Variants in PIEZO2 observed in about 807,000 individuals in gnomAD.
The protein encoded by PIEZO2 is piezo-type mechanosensitive ion channel component 2.
Under a neutral mutation model 337.3 loss-of-function variants are expected in PIEZO2, and 172 were observed. The observed-to-expected ratio is 0.51, with a 90% CI of 0.45 to 0.58. PIEZO2 has a LOEUF of 0.58. Among genes scored for constraint, PIEZO2 ranks in the 20% least tolerant of loss-of-function variants. PIEZO2 has a pLI of 0.00. For missense variants in PIEZO2, 3,028 were observed against 3,391.3 expected, an observed-to-expected ratio of 0.89 and a Z score of 2.66; for synonymous variants, 1,251 against 1,228.5, an observed-to-expected ratio of 1.02 and a Z score of -0.38.
At position 10,726,594 on chromosome 18, in the gene PIEZO2, G is replaced by A. The variant is rs1567990581; in HGVS notation, c.5029+4813C>T. ...CCTTCCGCCAGCTCTTCCAGGACCT[G>A]GCGCGCTACGTGCGGGACGCCGACG... On this transcript the variant is annotated intron_variant, in intron 36 of 55. Transcript: ENST00000674853. This position sits in a 1 kb window ranked among gnomAD's most constrained non-coding sequence, Gnocchi z 5.9. 1 of 1,388,496 alleles carries A rather than the reference G, an allele frequency of 7.2e-7. No individual in the cohort carries two copies. The highest frequency in any genetic ancestry group is 1.9e-4 in the Middle Eastern group (1 of 5,296). The allele number at this position is 1,388,496 out of a possible 1,614,324, so 86.0% of individuals were successfully genotyped here. A position where few individuals can be genotyped will look rare whatever the true frequency, so the allele number is the denominator to read the frequency against.
At chr18:10,763,180 G>T in intron 21 of PIEZO2, 82 bp from the exon 22 acceptor site, 1 of 1,403,572 alleles carries the variant, frequency 7.1e-7, no homozygotes, top group South Asian at 1.3e-5. Context: ...AGGATGACTT[G>T]ATTTACTCAG....
At chr18:10,800,605 C>A in intron 10 of PIEZO2, 130 bp from the exon 11 acceptor site, 1 of 1,080,126 alleles carries the variant, frequency 9.3e-7, no homozygotes, top group Non-Finnish European at 1.3e-6. Flanking sequence ...ATAACTTAGC[C>A]AATTGCCCAA....
In PIEZO2 at chr18:10,673,622, T is replaced by A. The variant is rs2033872852; in HGVS notation, c.8162-749A>T. ...TACTTTTATTGGAGTTTAGGGTGAA[T>A]GCAAAAGAGTTGTAAAAGATAGGGT... On this transcript the variant is annotated intron_variant, in intron 54 of 55. Coordinates refer to ENST00000674853, the MANE Select transcript of PIEZO2 (RefSeq NM_001378183.1). The surrounding 1 kb of genome is among the most constrained non-coding windows in gnomAD (Gnocchi z 4.8). 1.3e-5 allele frequency among the ~76,000 whole-genome samples: 2 copies of A among 152,160 alleles called. No homozygotes were observed. The highest frequency in any genetic ancestry group is 4.1e-4 in the South Asian group (2 of 4,828).
chr18:11,123,921 G>A (rs372462286), intron 1 of PIEZO2, among the ~76,000 whole-genome samples: 1 of 129,176 alleles, frequency 7.7e-6, no homozygotes, highest in Non-Finnish European at 1.8e-5. Context: ...TTAAAGAGTA[G>A]ATTTTAAGTG....
chr18:11,045,010 C>T (rs903941406), intron 2 of PIEZO2, among the ~76,000 whole-genome samples: 2 of 151,708 alleles, frequency 1.3e-5, no homozygotes, highest in African/African-American at 4.8e-5. Context: ...AGAAAACTTA[C>T]TGGGGCCAGG....
intron 3 of PIEZO2, among the ~76,000 whole-genome samples, chr18:10,958,462 ATCTAT>A (rs1284623655): frequency 3.3e-5 from 5 of 152,188 alleles, no homozygotes; most frequent in African/African-American, 1.2e-4. Context: ...AGTGTTTGCA[ATCTAT>A]TGCACTGCAT....
At position 10,969,838 on chromosome 18, in the gene PIEZO2, A is replaced by G. The variant is rs535852552; in HGVS notation, c.286+9697T>C. 6.6e-6 allele frequency among the ~76,000 whole-genome samples: 1 copy of G among 152,226 alleles called. No individual in the cohort carries two copies. Among genetic ancestry groups the G allele is most frequent in the African/African-American group, 2.4e-5 (1 of 41,538 alleles). ...ACTTGCAGGTCCAGCAGGTGAGGAC[A>G]CCACCGAGAATCGGTCACAAAACAA... On this transcript the variant is annotated intron_variant, in intron 3 of 55. Coordinates refer to ENST00000674853, the MANE Select transcript of PIEZO2 (RefSeq NM_001378183.1). The surrounding 1 kb of genome is among the most constrained non-coding windows in gnomAD (Gnocchi z 4.5).
At chr18:11,008,126 T>C (rs2035784037) in intron 2 of PIEZO2, among the ~76,000 whole-genome samples, 2 of 152,266 alleles carry the variant, frequency 1.3e-5, no homozygotes, top group South Asian at 4.2e-4. Flanking sequence ...CCAATTTTTT[T>C]CCCATCAATC....
At chr18:10,865,720 G>T (rs1192867048) in intron 5 of PIEZO2, among the ~76,000 whole-genome samples, 1 of 152,162 alleles carries the variant, frequency 6.6e-6, no homozygotes, top group Non-Finnish European at 1.5e-5. Context: ...TTCTATTTCA[G>T]GGGTATTTAC....
At chr18:10,793,517 G>A (rs1477137296) in intron 13 of PIEZO2, among the ~76,000 whole-genome samples, 1 of 152,190 alleles carries the variant, frequency 6.6e-6, no homozygotes, top group Non-Finnish European at 1.5e-5. Context: ...GACTTGGCAT[G>A]CAATTTTAGC....
At chr18:10,811,255 C>T (rs1326820253) in intron 7 of PIEZO2, among the ~76,000 whole-genome samples, 3 of 152,142 alleles carry the variant, frequency 2.0e-5, no homozygotes, top group African/African-American at 7.2e-5. Context: ...ATTCAGTTTT[C>T]CCTATGCCTC....
chr18:10,961,595 GA>G (rs1243217280), intron 3 of PIEZO2, among the ~76,000 whole-genome samples: 1 of 151,894 alleles, frequency 6.6e-6, no homozygotes, highest in African/African-American at 2.4e-5. Flanking sequence ...TTTAAAAAAA[GA>G]AAAAAATTTC....
At position 10,726,005 on chromosome 18, in the gene PIEZO2, G is replaced by T. The variant is rs1227831668; in HGVS notation, c.5029+5402C>A. On this transcript the variant is annotated intron_variant, in intron 36 of 55. Transcript: ENST00000674853. The surrounding 1 kb of genome is among the most constrained non-coding windows in gnomAD (Gnocchi z 5.9). Reference sequence around the variant, plus strand: ...GGTGGTTTTTACCGAAGGCATCAGCGTGACTGTTCAGAATAATATGGGCAC... The same window carrying T: ...GGTGGTTTTTACCGAAGGCATCAGCTTGACTGTTCAGAATAATATGGGCAC... 6.6e-6 allele frequency among the ~76,000 whole-genome samples: 1 copy of T among 152,190 alleles called. No homozygotes were observed. Among genetic ancestry groups the T allele is most frequent in the African/African-American group, 2.4e-5 (1 of 41,442 alleles).
rs2038392412 is a variant in PIEZO2 at position 10,767,007 on chromosome 18, C to CCCCTT, written c.2946+3136_2946+3140dup. On this transcript the variant is annotated intron_variant, in intron 21 of 55. Coordinates refer to ENST00000674853, the MANE Select transcript of PIEZO2 (RefSeq NM_001378183.1). The surrounding 1 kb of genome is among the most constrained non-coding windows in gnomAD (Gnocchi z 4.2). ...TCCATTCCCTCCCCTCCCCTCCCCT[C>CCCCTT]CCCTTCCCTCCCCTCCCCTTCCCTT... is the stretch of plus-strand genomic sequence containing the variant. Among the ~76,000 whole-genome samples the CCCCTT allele has an allele frequency of 1.2e-4, 17 of 146,232 alleles. No individual in the cohort carries two copies. Among genetic ancestry groups the CCCCTT allele is most frequent in the Non-Finnish European group, 2.4e-4 (16 of 65,674 alleles).
In PIEZO2 at chr18:11,019,373, T is replaced by G. The variant is rs186342804; in HGVS notation, c.161-39713A>C. ...GCCCAGGCTGCCTACCTTTCCAACC[T>G]GGATATCAGTTCATCCCCTACCATT... On this transcript the variant is annotated intron_variant, in intron 2 of 55. Transcript: ENST00000674853. 1.4e-4 allele frequency among the ~76,000 whole-genome samples: 21 copies of G among 152,342 alleles called. No homozygotes were observed. The East Asian group carries it at 3.5e-3, about 25-fold the overall frequency.
Position 10,748,261 on chromosome 18 carries a change from T to C in PIEZO2, c.4424+210A>G, listed in dbSNP as rs971049532. ...CCTCTGGCCTTCCATGGCACCCCCA[T>C]TCCTTGAGAAGTCTGATGGTTACAT... On this transcript the variant is annotated intron_variant, in intron 30 of 55. Coordinates refer to ENST00000674853, the MANE Select transcript of PIEZO2 (RefSeq NM_001378183.1). This position sits in a 1 kb window ranked among gnomAD's most constrained non-coding sequence, Gnocchi z 5.1. Among the ~76,000 whole-genome samples the C allele has an allele frequency of 6.6e-6, 1 of 152,184 alleles. No homozygotes were observed. The highest frequency in any genetic ancestry group is 1.5e-5 in the Non-Finnish European group (1 of 68,026).
At chr18:10,926,280 G>A (rs913913199) in intron 3 of PIEZO2, among the ~76,000 whole-genome samples, 1 of 152,168 alleles carries the variant, frequency 6.6e-6, no homozygotes, top group Non-Finnish European at 1.5e-5. Flanking sequence ...CACATTCAGC[G>A]GCGTCACGTT....
intron 2 of PIEZO2, among the ~76,000 whole-genome samples, chr18:11,045,706 C>A (rs961963276): frequency 6.6e-6 from 1 of 152,156 alleles, no homozygotes; most frequent in Non-Finnish European, 1.5e-5. Context: ...CAGTATTGAT[C>A]TGGGATTACA....
chr18:11,066,889 C>T (rs192019267), intron 1 of PIEZO2, among the ~76,000 whole-genome samples: 26 of 152,270 alleles, frequency 1.7e-4, no homozygotes, highest in African/African-American at 4.8e-4. Flanking sequence ...CGTGAGCCAC[C>T]GCATCTGGCC....
Sources: gnomAD v4.1 joint callset for allele counts (sites outside exome capture counted in the v4.1 genomes callset) on GRCh38, gnomAD v4.1.1 for gene constraint, Gnocchi (gnomAD v3.1) non-coding constraint, MANE v1.5 for transcripts, NCBI Gene and HGNC (gene_info 2026-07-23, HGNC 2026-07-21) for gene names.